The following ASH1L variants were observed in gnomAD, a reference collection of about 807,000 sequenced individuals.
The protein encoded by ASH1L is ASH1 like histone lysine methyltransferase, also known as histone-lysine N-methyltransferase ASH1L.
ASH1L carries 23 observed loss-of-function variants against 269.0 expected under a neutral mutation model. The observed-to-expected ratio is 0.09, with a 90% confidence interval of 0.06 to 0.12. The LOEUF is 0.12. Ranked by LOEUF, ASH1L falls within the 10% of genes least tolerant of loss-of-function variation. The probability of loss-of-function intolerance (pLI) is 1.00; values close to 1 mark genes in which losing one functional copy is unlikely to be tolerated. For synonymous variants in ASH1L, 1,187 were observed against 1,253.5 expected, an observed-to-expected ratio of 0.95 and a Z score of 1.12; for missense variants, 2,912 against 3,567.8, an observed-to-expected ratio of 0.82 and a Z score of 4.68.
At chr1:155,454,402 C>T (rs1571256134) in intron 4 of ASH1L, among the ~76,000 whole-genome samples, 1 of 152,198 alleles carries the variant, frequency 6.6e-6, no homozygotes, top group African/African-American at 2.4e-5. Context: ...GTCTTTTAAA[C>T]CTCAATACAA....
intron 4 of ASH1L, among the ~76,000 whole-genome samples, chr1:155,446,285 C>T (rs938851853): frequency 4.0e-5 from 6 of 150,036 alleles, no homozygotes; most frequent in African/African-American, 1.2e-4. Flanking sequence ...ATTTATATTT[C>T]AATTAATTAA....
At chr1:155,420,840 G>A (rs545249141) in intron 5 of ASH1L, among the ~76,000 whole-genome samples, 40 of 80,386 alleles carry the variant, frequency 5.0e-4, no homozygotes, top group African/African-American at 1.5e-3. Flanking sequence ...ACAGAGCAAG[G>A]CTCCATTAAA....
At chr1:155,483,921 T>C (rs1325163970) in intron 2 of ASH1L, among the ~76,000 whole-genome samples, 1 of 152,142 alleles carries the variant, frequency 6.6e-6, no homozygotes, top group East Asian at 1.9e-4. Context: ...ACAATGGTTA[T>C]AATATGCTAT....
At chr1:155,364,710 C>A (rs766275350) in intron 12 of ASH1L, among the ~76,000 whole-genome samples, 21 of 151,956 alleles carry the variant, frequency 1.4e-4, no homozygotes, top group Admixed American at 7.9e-4. Context: ...AAGGCTGAAG[C>A]GGGCTGACTT....
chr1:155,545,625 G>GAAA (rs200558813), intron 1 of ASH1L, among the ~76,000 whole-genome samples: 3 of 133,660 alleles, frequency 2.2e-5, no homozygotes, highest in Non-Finnish European at 4.9e-5. Flanking sequence ...GGTTTGGAAG[G>GAAA]AAAAAAAAAA....
intron 6 of ASH1L, among the ~76,000 whole-genome samples, chr1:155,397,511 AAAAG>A (rs543567482): frequency 0.016 from 2,377 of 148,978 alleles, 69 homozygotes; most frequent in African/African-American, 0.06. Context: ...AAAAAAAAAA[AAAAG>A]AAAGAAAGAT....
chr1:155,340,094 G>A (rs1652647263), intron 25 of ASH1L, among the ~76,000 whole-genome samples: 1 of 151,818 alleles, frequency 6.6e-6, no homozygotes. Context: ...AAGACCTGGT[G>A]GTGGGCAGAG....
Position 155,435,027 on chromosome 1 carries a change from G to A in ASH1L, c.5828+3300C>T, listed in dbSNP as rs537690507. ...ACAAAAATTAGCTGGGCATGGTGGC[G>A]CATGCTTGTAATCCCAGCTACTTGG... On this transcript the variant is annotated intron_variant, in intron 5 of 27. Transcript: ENST00000392403. Among the ~76,000 whole-genome samples the A allele has an allele frequency of 3.9e-5, 6 of 152,000 alleles. No homozygotes were observed. In the South Asian group the frequency reaches 1.0e-3, roughly 26 times the overall value.
At position 155,450,445 on chromosome 1, in the gene ASH1L, T is replaced by TA. The variant is rs1487172659; in HGVS notation, c.5086+9351dup. On this transcript the variant is annotated intron_variant, in intron 4 of 27. Transcript: ENST00000392403. Reference sequence around the variant, plus strand: ...ATGTATATTAGCCCTCTTGATATTGTACCACAGGTCACTAAAGTTTCATTC... The same window carrying TA: ...ATGTATATTAGCCCTCTTGATATTGTAACCACAGGTCACTAAAGTTTCATTC... 2.0e-5 allele frequency among the ~76,000 whole-genome samples: 3 copies of TA among 152,354 alleles called. No individual in the cohort carries two copies. The East Asian group carries it at 5.8e-4, about 29-fold the overall frequency.
intron 1 of ASH1L, among the ~76,000 whole-genome samples, chr1:155,536,409 A>G (rs1040240630): frequency 6.6e-6 from 1 of 152,192 alleles, no homozygotes; most frequent in South Asian, 2.1e-4. Flanking sequence ...ATCATCTGCT[A>G]CTGAATTGAG....
chr1:155,517,562 C>A (rs1206336334), intron 2 of ASH1L, among the ~76,000 whole-genome samples: 2 of 151,834 alleles, frequency 1.3e-5, no homozygotes, highest in African/African-American at 2.4e-5. Flanking sequence ...ATCACTTGAA[C>A]CCAGGAGGCA....
Position 155,395,447 on chromosome 1 carries a change from C to T in ASH1L, c.6103+12G>A. 6.3e-7 allele frequency: 1 copy of T among 1,581,256 alleles called. No homozygotes were observed. Among genetic ancestry groups the T allele is most frequent in the Non-Finnish European group, 8.6e-7 (1 of 1,161,740 alleles). On this transcript the variant is annotated intron_variant, in intron 7 of 27. Transcript: ENST00000392403. ...TCTTCTCAGCAATACATTGTGTGGACTCGGTACTTACCAACATGAATGGGC... is the reference window on the plus strand; with the variant it reads ...TCTTCTCAGCAATACATTGTGTGGATTCGGTACTTACCAACATGAATGGGC...
chr1:155,368,012 A>AT (rs1344794152), intron 12 of ASH1L, among the ~76,000 whole-genome samples: 3 of 152,018 alleles, frequency 2.0e-5, no homozygotes, highest in African/African-American at 7.3e-5. Flanking sequence ...CTTCGTCTTC[A>AT]TTTTTTTAAA....
In ASH1L at chr1:155,336,976, T is replaced by A. The variant is rs1447164577; in HGVS notation, c.*684A>T. 1 of 152,258 alleles carries A rather than the reference T, an allele frequency of 6.6e-6. No homozygotes were observed. Among genetic ancestry groups the A allele is most frequent in the East Asian group, 1.9e-4 (1 of 5,342 alleles). The allele number at this position is 152,258 out of a possible 1,614,324, so 9.4% of individuals were successfully genotyped here. ...CAGGTTATGAAGGGTAAAACAAAAA[T>A]AATTGCAAGAACTACCGTGCCCTTC... On this transcript the variant is annotated 3_prime_UTR_variant, in exon 28 of 28. Coordinates refer to ENST00000392403, the MANE Select transcript of ASH1L (RefSeq NM_018489.3).
At chr1:155,509,385 A>C (rs566118142) in intron 2 of ASH1L, among the ~76,000 whole-genome samples, 1 of 152,350 alleles carries the variant, frequency 6.6e-6, no homozygotes, top group African/African-American at 2.4e-5. Context: ...AAAAAATGTA[A>C]ATAAACAGAA....
Position 155,479,598 on chromosome 1 carries a change from G to C in ASH1L, c.3272C>G (p.Pro1091Arg), listed in dbSNP as rs772544464. The change falls in exon 3 of 28, where the codon CCA (proline) becomes CGA (arginine). Residue 1091 changes from proline to arginine, a missense_variant. Around this residue, in one of 13 missense-constraint regions of ASH1L, gnomAD observed 157 missense variants for 154.6 expected, o/e 1.02. Transcript: ENST00000392403. ...ACTACTAGCAGATGAAGGCAGTAAT[G>C]GGGGAAGAATCTGTCCTAATGCTGA... ...AGSALGQILPPLLPSSASSSE... is the reference protein window; with the variant it reads ...AGSALGQILPRLLPSSASSSE... The C allele has an allele frequency of 1.9e-6, 3 of 1,614,090 alleles. No individual in the cohort carries two copies. Among genetic ancestry groups the C allele is most frequent in the Non-Finnish European group, 2.5e-6 (3 of 1,180,042 alleles).
chr1:155,439,396 G>A (rs1366374681), intron 4 of ASH1L, among the ~76,000 whole-genome samples: 1 of 151,916 alleles, frequency 6.6e-6, no homozygotes. Context: ...TTAAGCTAAG[G>A]GACTTAAATG....
chr1:155,355,167 C>T (rs1333977809), intron 15 of ASH1L, among the ~76,000 whole-genome samples: 2 of 152,190 alleles, frequency 1.3e-5, no homozygotes, highest in African/African-American at 4.8e-5. Flanking sequence ...GCGATTCTCT[C>T]AGCCTCCTGA....
intron 12 of ASH1L, among the ~76,000 whole-genome samples, chr1:155,363,598 T>C (rs1655152218): frequency 6.6e-6 from 1 of 152,108 alleles, no homozygotes; most frequent in African/African-American, 2.4e-5. Context: ...CACAGGCCAC[T>C]GCTCCCATCT....
Sources: gnomAD v4.1 joint callset for allele counts (sites outside exome capture counted in the v4.1 genomes callset) on GRCh38, gnomAD v4.1.1 for gene constraint, gnomAD v4.1.1 regional missense constraint, MANE v1.5 for transcripts, NCBI Gene and HGNC (gene_info 2026-07-23, HGNC 2026-07-21) for gene names.